FER1L5: variants seen among roughly 807,000 people sequenced by gnomAD.
FER1L5 encodes the protein fer-1 like family member 5.
In FER1L5, 187 loss-of-function variants were observed where a neutral mutation model predicts 279.9. The observed-to-expected ratio is 0.67, with a 90% CI of 0.59 to 0.75. The LOEUF (loss-of-function observed/expected upper bound fraction) is 0.75. FER1L5 is among the 30% of genes least tolerant of loss of function. The probability of loss-of-function intolerance (pLI) is 0.00; values close to 1 mark genes in which losing one functional copy is unlikely to be tolerated. For missense variants in FER1L5, 2,091 were observed against 2,594.4 expected (o/e 0.81, Z 4.21); for synonymous variants, 921 against 989.7 (o/e 0.93, Z 1.30).
At chr2:96,679,236 T>A (rs2106625590) in intron 19 of FER1L5, among the ~76,000 whole-genome samples, 1 of 152,102 alleles carries the variant, frequency 6.6e-6, no homozygotes, top group East Asian at 1.9e-4. Context: ...TAGTTTTTTT[T>A]TTTTTTGAGA....
intron 27 of FER1L5, 71 bp downstream of exon 27, chr2:96,690,660 G>GA: frequency 3.6e-6 from 5 of 1,395,130 alleles, no homozygotes; most frequent in Non-Finnish European, 4.0e-6. Context: ...AGCAGGGTGG[G>GA]ATCAGAGCAG....
intron 45 of FER1L5, among the ~76,000 whole-genome samples, chr2:96,701,041 C>T (rs1367175523): frequency 1.3e-5 from 2 of 152,248 alleles, no homozygotes; most frequent in African/African-American, 2.4e-5. Flanking sequence ...AGGCCAGGTG[C>T]AGTGGCTCAC....
At chr2:96,688,304 C>A (rs189935466) in intron 24 of FER1L5, among the ~76,000 whole-genome samples, 1 of 152,180 alleles carries the variant, frequency 6.6e-6, no homozygotes, top group Non-Finnish European at 1.5e-5. Flanking sequence ...ATCAACAGCA[C>A]GTGAAGTGAG....
At chr2:96,692,974 G>A (rs1349104527) in intron 31 of FER1L5, among the ~76,000 whole-genome samples, 8 of 152,078 alleles carry the variant, frequency 5.3e-5, no homozygotes, top group South Asian at 2.1e-4. Context: ...TCAGGAATTC[G>A]AGACCAGCCT....
intron 4 of FER1L5, 46 bp from the exon 5 acceptor site, chr2:96,649,577 A>G (rs1003191617): frequency 1.3e-6 from 2 of 1,545,426 alleles, no homozygotes; most frequent in Non-Finnish European, 1.8e-6. Context: ...GCTGTGTCCA[A>G]GGATGGCAGG....
At chr2:96,654,338 T>A (rs980131530) in intron 8 of FER1L5, 108 bp from the exon 9 acceptor site, 1 of 395,208 alleles carries the variant, frequency 2.5e-6, no homozygotes, top group African/African-American at 2.1e-5. Flanking sequence ...TTAGGAAGCA[T>A]TCAATACGTC....
At chr2:96,673,635 C>T (rs753153710) in intron 19 of FER1L5, among the ~76,000 whole-genome samples, 1 of 151,606 alleles carries the variant, frequency 6.6e-6, no homozygotes, top group Non-Finnish European at 1.5e-5. Flanking sequence ...CTTACCCCAA[C>T]ATCCAACCAA....
At chr2:96,657,311 G>C (rs1268487555) in intron 9 of FER1L5, among the ~76,000 whole-genome samples, 2 of 152,060 alleles carry the variant, frequency 1.3e-5, no homozygotes, top group African/African-American at 4.8e-5. Flanking sequence ...CTGGCTTCAA[G>C]TGATCCGCCC....
chr2:96,661,846 A>G, intron 12 of FER1L5, 55 bp downstream of exon 12: 1 of 1,546,320 alleles, frequency 6.5e-7, no homozygotes, highest in East Asian at 2.4e-5. Context: ...ACACGGTGAT[A>G]CCCTGGATCC....
intron 19 of FER1L5, among the ~76,000 whole-genome samples, chr2:96,676,684 G>C (rs544585466): frequency 6.7e-6 from 1 of 149,096 alleles, no homozygotes; most frequent in South Asian, 2.1e-4. Context: ...TGTATCTTTG[G>C]ATTATTTTTA....
chr2:96,668,907 T>A lies in FER1L5; in HGVS notation c.1206T>A (p.Asp402Glu). 5.8e-6 allele frequency: 9 copies of A among 1,545,918 alleles called. No individual in the cohort carries two copies. Among genetic ancestry groups the A allele is most frequent in the Non-Finnish European group, 7.9e-6 (9 of 1,142,692 alleles). ...CTAGCCGCAAGAAGGACTGCCCGGATGAGATTGGGACTGCCAGCCTGTCCC... is the reference window on the plus strand; with the variant it reads ...CTAGCCGCAAGAAGGACTGCCCGGAAGAGATTGGGACTGCCAGCCTGTCCC... ...VLDCRKKDCP[D>E]EIGTASLSLN... Residue 402 changes from aspartate (D) to glutamate (E), a missense_variant, in exon 16 of 53, where the codon GAT becomes GAA. Asp to Glu is a conservative substitution (Grantham distance 45). Transcript: ENST00000624922.
chr2:96,695,749 C>T lies in FER1L5; in HGVS notation c.3902C>T (p.Pro1301Leu), dbSNP rs781440844. ...GTCTCCTCGGGATTGCAGCTCATGC[C>T]GACGGAGGAGGCCTATGCACTGCCC... The part of the protein sequence containing the change: ...ESVLVLTVLM[P>L]TEEAYALPLV... The change falls in exon 36 of 53, where the codon CCG becomes CTG. Residue 1301 changes from proline to leucine, a missense_variant. Coordinates refer to ENST00000624922, the MANE Select transcript of FER1L5 (RefSeq NM_001293083.2). 5.6e-6 allele frequency: 9 copies of T among 1,612,348 alleles called. No individual in the cohort carries two copies. Among genetic ancestry groups the T allele is most frequent in the Admixed American group, 3.3e-5 (2 of 59,778 alleles).
At chr2:96,685,226 A>T in intron 20 of FER1L5, 103 bp from the exon 21 acceptor site, 1 of 1,003,346 alleles carries the variant, frequency 1.0e-6, no homozygotes, top group Non-Finnish European at 1.5e-6. Flanking sequence ...CAAAGTTCCC[A>T]AGGTCGTGGC....
At chr2:96,687,043 A>G (rs2076956829) in intron 23 of FER1L5, among the ~76,000 whole-genome samples, 1 of 151,918 alleles carries the variant, frequency 6.6e-6, no homozygotes, top group African/African-American at 2.4e-5. Context: ...ATAAGACTAA[A>G]CACCCTGACC....
At position 96,686,261 on chromosome 2, in the gene FER1L5, C is replaced by T; in HGVS notation, c.2140C>T (p.Gln714Ter). 1 of 1,551,628 alleles carries T rather than the reference C, an allele frequency of 6.4e-7. No homozygotes were observed. Among genetic ancestry groups the T allele is most frequent in the African/African-American group, 1.4e-5 (1 of 73,172 alleles). Residue 714 changes from glutamine to a stop codon, truncating the protein, a stop_gained, in exon 23 of 53, where the codon CAG (glutamine) becomes TAG (stop). Coordinates refer to ENST00000624922, the MANE Select transcript of FER1L5 (RefSeq NM_001293083.2). LOFTEE classifies it high-confidence loss of function. ...CAAGGAGCAGCGAGTGGCCTATGCA[C>T]AGGTGCCTGCCCACTCCGTCCTCTT... ...VAKEQRVAYA[Q>*]VPAHSVLFSP...
chr2:96,704,443 G>A (rs1237098412), intron 52 of FER1L5, 25 bp from the exon 53 acceptor site: 3 of 1,613,340 alleles, frequency 1.9e-6, no homozygotes, highest in Non-Finnish European at 2.5e-6. Context: ...GCCACCCCAG[G>A]CTAACTGTTG....
chr2:96,655,136 C>A (rs989418261), intron 9 of FER1L5, among the ~76,000 whole-genome samples: 2 of 152,114 alleles, frequency 1.3e-5, no homozygotes, highest in African/African-American at 2.4e-5. Flanking sequence ...CAAATCTCTG[C>A]CTCCAGGAAG....
chr2:96,692,981 G>C (rs150400913), intron 31 of FER1L5, among the ~76,000 whole-genome samples: 1 of 152,074 alleles, frequency 6.6e-6, no homozygotes, highest in South Asian at 2.1e-4. Context: ...TTCGAGACCA[G>C]CCTGGCCAAC....
At chr2:96,700,520 C>G (rs753788706) in intron 45 of FER1L5, 49 bp downstream of exon 45, 1 of 1,607,172 alleles carries the variant, frequency 6.2e-7, no homozygotes, top group Non-Finnish European at 8.5e-7. Context: ...GGAGCTAGAT[C>G]AGGAGACAGA....
Sources: gnomAD v4.1 joint callset for allele counts (sites outside exome capture counted in the v4.1 genomes callset) on GRCh38, gnomAD v4.1.1 for gene constraint, MANE v1.5 for transcripts, NCBI Gene and HGNC (gene_info 2026-07-23, HGNC 2026-07-21) for gene names.